CDH20: variants seen among roughly 807,000 people sequenced by gnomAD.
CDH20 encodes the protein cadherin 20.
Under a neutral mutation model 74.2 loss-of-function variants are expected in CDH20, and 29 were observed. The observed-to-expected ratio is 0.39, with a 90% CI of 0.29 to 0.53. The LOEUF (loss-of-function observed/expected upper bound fraction) is 0.53, where lower values mean the gene tolerates loss of function less well. Among genes scored for constraint, CDH20 ranks in the 20% least tolerant of loss-of-function variants. CDH20 has a pLI of 0.69. For missense variants in CDH20, 988 were observed against 1,048.3 expected (o/e 0.94, Z 0.79); for synonymous variants, 469 against 405.4 (o/e 1.16, Z -1.88).
intron 6 of CDH20, among the ~76,000 whole-genome samples, chr18:61,521,134 G>C (rs540242815): frequency 1.3e-5 from 2 of 150,912 alleles, no homozygotes; most frequent in South Asian, 4.2e-4. Context: ...TTGAATCCAG[G>C]AGCTGGTTTT....
At chr18:61,363,276 G>T (rs1054824237) in intron 1 of CDH20, among the ~76,000 whole-genome samples, 2 of 152,154 alleles carry the variant, frequency 1.3e-5, no homozygotes, top group African/African-American at 4.8e-5. Context: ...ATGGTATATT[G>T]TGCAGGTTGT....
At chr18:61,430,458 G>A (rs1290956602) in intron 1 of CDH20, among the ~76,000 whole-genome samples, 8 of 151,978 alleles carry the variant, frequency 5.3e-5, no homozygotes, top group Non-Finnish European at 1.2e-4. Flanking sequence ...AGTGTTGTCC[G>A]GTTTCTCCAC....
At chr18:61,468,949 C>G (rs1910063310) in intron 1 of CDH20, among the ~76,000 whole-genome samples, 1 of 152,158 alleles carries the variant, frequency 6.6e-6, no homozygotes, top group African/African-American at 2.4e-5. Flanking sequence ...ATTCATCCCA[C>G]AAATCTCAAC....
At chr18:61,393,667 C>A (rs1282709640) in intron 1 of CDH20, among the ~76,000 whole-genome samples, 2 of 152,224 alleles carry the variant, frequency 1.3e-5, no homozygotes, top group African/African-American at 2.4e-5. Context: ...ATTTAGTCAA[C>A]AGCTCAGTCA....
chr18:61,517,948 C>T (rs1374956060), intron 6 of CDH20, among the ~76,000 whole-genome samples: 1 of 152,096 alleles, frequency 6.6e-6, no homozygotes, highest in Non-Finnish European at 1.5e-5. Flanking sequence ...GGGGGTCCAC[C>T]ATTACTGAAG....
rs1353312438 is a variant in CDH20, at chr18:61,377,144, C to A, written c.-153+43317C>A. ...ACTGATTCATCCCCATTGCCTTTTCCTCACCAGAAAAGTGAGAAAAGTAAG... is the reference window on the plus strand; with the variant it reads ...ACTGATTCATCCCCATTGCCTTTTCATCACCAGAAAAGTGAGAAAAGTAAG... On this transcript the variant is annotated intron_variant, in intron 1 of 11. Transcript: ENST00000262717. 2.6e-5 allele frequency among the ~76,000 whole-genome samples: 4 copies of A among 152,058 alleles called. No individual in the cohort carries two copies. The East Asian group carries it at 7.7e-4, about 29-fold the overall frequency.
intron 6 of CDH20, 96 bp downstream of exon 6, chr18:61,507,656 C>A: frequency 4.0e-6 from 3 of 753,160 alleles, no homozygotes; most frequent in Admixed American, 3.2e-5. Context: ...TGCATTGCTT[C>A]AAATCATCTG....
rs534414963 is a variant in CDH20 at position 61,371,314 on chromosome 18, T to C, written c.-153+37487T>C. Among the ~76,000 whole-genome samples the C allele has an allele frequency of 4.6e-5, 7 of 152,208 alleles. No homozygotes were observed. In the East Asian group the frequency reaches 1.4e-3, roughly 29 times the overall value. On this transcript the variant is annotated intron_variant, in intron 1 of 11. Coordinates refer to ENST00000262717, the MANE Select transcript of CDH20 (RefSeq NM_031891.4). ...CTTGTTTTTGGTTTCTGTTTCCTAC[T>C]GAACAAAAAATTAACTGGTGATGAT...
intron 6 of CDH20, among the ~76,000 whole-genome samples, chr18:61,522,466 A>G (rs1304424350): frequency 2.0e-5 from 3 of 152,232 alleles, no homozygotes; most frequent in Non-Finnish European, 4.4e-5. Context: ...GGAACACGCA[A>G]TATCGTGAAA....
intron 1 of CDH20, among the ~76,000 whole-genome samples, chr18:61,342,928 G>C (rs189555427): frequency 4.6e-5 from 7 of 152,244 alleles, no homozygotes; most frequent in Middle Eastern, 6.8e-3. Flanking sequence ...CTACTAAACT[G>C]GTTTCCTTTG....
intron 1 of CDH20, among the ~76,000 whole-genome samples, chr18:61,459,079 T>C (rs900240783): frequency 2.4e-4 from 36 of 152,328 alleles, no homozygotes; most frequent in African/African-American, 8.2e-4. Flanking sequence ...CAGTCTTAAG[T>C]GCTGCTGTGG....
chr18:61,353,135 C>A lies in CDH20; in HGVS notation c.-153+19308C>A, dbSNP rs553104780. Among the ~76,000 whole-genome samples, 8 of 152,296 alleles carry A rather than the reference C, an allele frequency of 5.3e-5. No individual in the cohort carries two copies. The highest frequency in any genetic ancestry group is 2.0e-4 in the Admixed American group (3 of 15,300). ...TCCATGATGTGTGCCCCAACAAAGGCGCGGGTCTGATACATCAGTTTCTAA... is the reference window on the plus strand; with the variant it reads ...TCCATGATGTGTGCCCCAACAAAGGAGCGGGTCTGATACATCAGTTTCTAA... On this transcript the variant is annotated intron_variant, in intron 1 of 11. Coordinates refer to ENST00000262717, the MANE Select transcript of CDH20 (RefSeq NM_031891.4). This position sits in a 1 kb window ranked among gnomAD's most constrained non-coding sequence, Gnocchi z 4.6.
At chr18:61,431,955 G>T (rs906963492) in intron 1 of CDH20, among the ~76,000 whole-genome samples, 1 of 152,040 alleles carries the variant, frequency 6.6e-6, no homozygotes, top group African/African-American at 2.4e-5. Context: ...ATAAATTATA[G>T]GCAGGACATG....
At chr18:61,455,558 G>A (rs1335409034) in intron 1 of CDH20, among the ~76,000 whole-genome samples, 4 of 151,952 alleles carry the variant, frequency 2.6e-5, no homozygotes, top group African/African-American at 9.7e-5. Flanking sequence ...ACCACTGGAA[G>A]GTCATATTCT....
chr18:61,513,637 C>A (rs1017067456), intron 6 of CDH20, among the ~76,000 whole-genome samples: 6 of 152,110 alleles, frequency 3.9e-5, no homozygotes, highest in Non-Finnish European at 7.3e-5. Context: ...GCGGCTGGTA[C>A]TGGTTGTTCC....
intron 1 of CDH20, among the ~76,000 whole-genome samples, chr18:61,452,556 A>G (rs1463794301): frequency 6.6e-6 from 1 of 152,204 alleles, no homozygotes; most frequent in Non-Finnish European, 1.5e-5. Flanking sequence ...TAATACCAGT[A>G]AAAGCATGAA....
At chr18:61,383,516 G>A (rs561916425) in intron 1 of CDH20, among the ~76,000 whole-genome samples, 1 of 152,222 alleles carries the variant, frequency 6.6e-6, no homozygotes, top group East Asian at 1.9e-4. Flanking sequence ...GGGAGGCGGA[G>A]GTTGCAGTGA....
At chr18:61,462,230 A>C (rs1477419074) in intron 1 of CDH20, among the ~76,000 whole-genome samples, 1 of 152,166 alleles carries the variant, frequency 6.6e-6, no homozygotes, top group Non-Finnish European at 1.5e-5. Flanking sequence ...GGATATATTA[A>C]TTAGCTTGCT....
chr18:61,469,172 T>C (rs1416713438), intron 1 of CDH20, among the ~76,000 whole-genome samples: 1 of 152,184 alleles, frequency 6.6e-6, no homozygotes, highest in Non-Finnish European at 1.5e-5. Flanking sequence ...TTGTTTCATG[T>C]CAGCCTCTGC....
Sources: gnomAD v4.1 joint callset for allele counts (sites outside exome capture counted in the v4.1 genomes callset) on GRCh38, gnomAD v4.1.1 for gene constraint, Gnocchi (gnomAD v3.1) non-coding constraint, MANE v1.5 for transcripts, NCBI Gene and HGNC (gene_info 2026-07-23, HGNC 2026-07-21) for gene names.